Variants in CDK8 observed in about 807,000 individuals in gnomAD.
CDK8 encodes cyclin dependent kinase 8.
In CDK8, 29 loss-of-function variants were observed where a neutral mutation model predicts 71.5. The observed-to-expected ratio is 0.41, with a 90% CI of 0.30 to 0.55. CDK8 has a LOEUF of 0.55. Ranked by LOEUF, CDK8 falls within the 20% of genes least tolerant of loss-of-function variation. The pLI is 0.37. For synonymous variants in CDK8, 161 were observed against 192.1 expected (o/e 0.84, Z 1.34); for missense variants, 288 against 572.6 (o/e 0.50, Z 5.07).
At chr13:26,296,898 G>A (rs1873585781) in intron 1 of CDK8, among the ~76,000 whole-genome samples, 1 of 152,080 alleles carries the variant, frequency 6.6e-6, no homozygotes, top group South Asian at 2.1e-4. Context: ...CCAACATTAA[G>A]TCCTCTTCTA....
intron 1 of CDK8, among the ~76,000 whole-genome samples, chr13:26,336,845 C>T (rs1056122783): frequency 1.1e-4 from 16 of 152,084 alleles, no homozygotes; most frequent in Admixed American, 3.3e-4. Context: ...TGAGCCACCG[C>T]GCCCGGCCTC....
intron 1 of CDK8, among the ~76,000 whole-genome samples, chr13:26,304,591 T>G (rs1477659378): frequency 2.0e-5 from 3 of 152,052 alleles, no homozygotes; most frequent in Non-Finnish European, 2.9e-5. Context: ...TTCAACTCCA[T>G]TTACTCCCCC....
At chr13:26,360,755 T>C (rs1874100675) in intron 4 of CDK8, among the ~76,000 whole-genome samples, 1 of 152,206 alleles carries the variant, frequency 6.6e-6, no homozygotes, top group Admixed American at 6.5e-5. Flanking sequence ...TCCAAGGTTA[T>C]TTCTGATTTT....
chr13:26,324,708 A>G (rs967997831), intron 1 of CDK8: 1 of 264,050 alleles, frequency 3.8e-6, no homozygotes, highest in African/African-American at 2.3e-5. Context: ...AATGATTATA[A>G]ATGATCAATG....
At chr13:26,336,686 TGG>T (rs1207002012) in intron 1 of CDK8, among the ~76,000 whole-genome samples, 1 of 151,804 alleles carries the variant, frequency 6.6e-6, no homozygotes, top group African/African-American at 2.4e-5. Context: ...CCCGAGTAGC[TGG>T]GACTACAGGC....
At chr13:26,290,624 T>A (rs1873249554) in intron 1 of CDK8, among the ~76,000 whole-genome samples, 1 of 152,214 alleles carries the variant, frequency 6.6e-6, no homozygotes, top group African/African-American at 2.4e-5. Context: ...TCTTGAAGGT[T>A]ACTTTAAATC....
intron 6 of CDK8, among the ~76,000 whole-genome samples, chr13:26,392,324 C>T (rs1233272356): frequency 2.1e-4 from 21 of 100,336 alleles, no homozygotes; most frequent in East Asian, 5.5e-4. Context: ...ATTTATAACC[C>T]TTTTTTTTTT....
intron 1 of CDK8, among the ~76,000 whole-genome samples, chr13:26,262,404 G>C (rs1009366956): frequency 6.7e-6 from 1 of 149,916 alleles, no homozygotes; most frequent in African/African-American, 2.5e-5. Flanking sequence ...GTGTGTGTGT[G>C]TATCTGAAAT....
At chr13:26,285,050 C>T (rs1381914209) in intron 1 of CDK8, among the ~76,000 whole-genome samples, 1 of 151,884 alleles carries the variant, frequency 6.6e-6, no homozygotes. Context: ...ACCAACCTGG[C>T]CAACATGTTG....
intron 4 of CDK8, among the ~76,000 whole-genome samples, chr13:26,364,103 C>T (rs1316530237): frequency 6.6e-6 from 1 of 152,096 alleles, no homozygotes; most frequent in Non-Finnish European, 1.5e-5. Context: ...GGCTAAATGA[C>T]TTCATTATGG....
At chr13:26,344,392 A>C (rs1183047221) in intron 2 of CDK8, among the ~76,000 whole-genome samples, 1 of 152,184 alleles carries the variant, frequency 6.6e-6, no homozygotes, top group Non-Finnish European at 1.5e-5. Context: ...GTACATATAC[A>C]TTAGCCTAGG....
intron 1 of CDK8, among the ~76,000 whole-genome samples, chr13:26,334,542 A>C (rs1331376113): frequency 6.6e-6 from 1 of 152,174 alleles, no homozygotes; most frequent in Non-Finnish European, 1.5e-5. Context: ...ATGAGTACTC[A>C]TGGTGCTTTA....
intron 5 of CDK8, among the ~76,000 whole-genome samples, chr13:26,383,865 T>C (rs144725763): frequency 6.6e-6 from 1 of 152,330 alleles, no homozygotes; most frequent in African/African-American, 2.4e-5. Flanking sequence ...AAGTTTGGCT[T>C]TCCTTGAGAA....
chr13:26,390,941 T>C (rs895499927), intron 6 of CDK8, among the ~76,000 whole-genome samples: 2 of 151,640 alleles, frequency 1.3e-5, no homozygotes, highest in South Asian at 4.2e-4. Context: ...AAAGCCATTT[T>C]ATAAGGAGTT....
At chr13:26,374,832 G>A (rs903781014) in intron 4 of CDK8, among the ~76,000 whole-genome samples, 1 of 152,060 alleles carries the variant, frequency 6.6e-6, no homozygotes, top group Admixed American at 6.6e-5. Context: ...GTTATTTCTA[G>A]AAATGATAAT....
At chr13:26,400,201 G>A in intron 9 of CDK8, 1 of 403,318 alleles carries the variant, frequency 2.5e-6, no homozygotes, top group South Asian at 3.6e-5. Flanking sequence ...TAGATAATGG[G>A]GGTGGGGATC....
At chr13:26,365,170 C>T (rs536681182) in intron 4 of CDK8, among the ~76,000 whole-genome samples, 1 of 152,192 alleles carries the variant, frequency 6.6e-6, no homozygotes, top group South Asian at 2.1e-4. Context: ...AAAATTTAGG[C>T]TTGCAGATAA....
At position 26,349,212 on chromosome 13, in the gene CDK8, A is replaced by G. The variant is rs1003205082; in HGVS notation, c.315+30A>G. On this transcript the variant is annotated intron_variant, in intron 3 of 12. Coordinates refer to ENST00000381527, the MANE Select transcript of CDK8 (RefSeq NM_001260.3). ...GGTGAATTGCTGGCAGACATGAGCA[A>G]ACAGTCAGGGATTGTTAAGAGTAAC... is the stretch of plus-strand genomic sequence containing the variant. 6 of 1,188,040 alleles carry G rather than the reference A, an allele frequency of 5.1e-6. No individual in the cohort carries two copies. In the Middle Eastern group the frequency reaches 5.8e-4, roughly 115 times the overall value. 73.6% of individuals were successfully genotyped at this position (1,188,040 alleles called of 1,614,324 possible).
chr13:26,394,074 A>G (rs1340553786), intron 7 of CDK8, among the ~76,000 whole-genome samples: 5 of 152,206 alleles, frequency 3.3e-5, no homozygotes, highest in African/African-American at 1.2e-4. Flanking sequence ...GATGGTTTAC[A>G]TGTATCCTAT....
Sources: gnomAD v4.1 joint callset for allele counts (sites outside exome capture counted in the v4.1 genomes callset) on GRCh38, gnomAD v4.1.1 for gene constraint, MANE v1.5 for transcripts, NCBI Gene and HGNC (gene_info 2026-07-23, HGNC 2026-07-21) for gene names.